The following ALKBH3 variants were observed in gnomAD, a reference collection of about 807,000 sequenced individuals.
The protein encoded by ALKBH3 is alpha-ketoglutarate-dependent dioxygenase alkB homolog 3.
Under a neutral mutation model 43.9 loss-of-function variants are expected in ALKBH3, and 51 were observed. The ratio of observed to expected loss-of-function variants is 1.16; its 90% CI spans 0.93 to 1.47. ALKBH3 has a LOEUF of 1.47. Among genes scored for constraint, ALKBH3 ranks in the 40% most tolerant of loss-of-function variants. The probability of loss-of-function intolerance (pLI) is 0.00; values close to 1 mark genes in which losing one functional copy is unlikely to be tolerated. For missense variants in ALKBH3, 361 were observed against 351.9 expected (o/e 1.03, Z -0.21); for synonymous variants, 102 against 115.2 (o/e 0.89, Z 0.73).
chr11:43,896,448 C>T (rs1951819786), intron 7 of ALKBH3, among the ~76,000 whole-genome samples: 1 of 152,114 alleles, frequency 6.6e-6, no homozygotes, highest in Non-Finnish European at 1.5e-5. Context: ...GCAGGAAGCA[C>T]CCAGCACGGG....
intron 1 of ALKBH3, chr11:43,881,421 G>A (rs1397199273): frequency 6.6e-6 from 1 of 152,228 alleles, no homozygotes; most frequent in East Asian, 1.9e-4. Flanking sequence ...AATAACATAT[G>A]GCTCCCCAGT....
intron 8 of ALKBH3, among the ~76,000 whole-genome samples, chr11:43,913,989 G>A (rs1316750690): frequency 3.3e-5 from 5 of 152,222 alleles, no homozygotes; most frequent in Non-Finnish European, 2.9e-5. Context: ...TGGCTCATTG[G>A]CAGAGCAGCC....
At chr11:43,913,948 G>T (rs1039017952) in intron 8 of ALKBH3, among the ~76,000 whole-genome samples, 8 of 152,134 alleles carry the variant, frequency 5.3e-5, no homozygotes, top group African/African-American at 1.7e-4. Context: ...CCCAGAAGAG[G>T]GGGCAGCACT....
chr11:43,918,882 T>C (rs1480632874), intron 8 of ALKBH3, 156 bp from the exon 9 acceptor site: 4 of 609,516 alleles, frequency 6.6e-6, no homozygotes, highest in Non-Finnish European at 1.2e-5. Context: ...TGAGGTAACT[T>C]GCCAACAGTC....
At chr11:43,903,926 A>G (rs912977929) in intron 8 of ALKBH3, among the ~76,000 whole-genome samples, 1 of 152,344 alleles carries the variant, frequency 6.6e-6, no homozygotes, top group East Asian at 1.9e-4. Flanking sequence ...TCATTTTCTC[A>G]TATAAAGATA....
intron 7 of ALKBH3, chr11:43,897,828 G>T (rs1287772676): frequency 4.9e-6 from 4 of 824,034 alleles, no homozygotes; most frequent in Non-Finnish European, 2.2e-6. Context: ...TGCAAGTTTA[G>T]ATATTAAATC....
rs1554976906 is a variant in ALKBH3 at position 43,900,215 on chromosome 11, A to AAT, written c.460-1301_460-1300insAT. On this transcript the variant is annotated intron_variant, in intron 7 of 9. Transcript: ENST00000302708. Reference sequence around the variant, plus strand: ...ATTGCATTTTTTTTATTTTAATTTAATTTTTTTTTTTTTTTTTTTTTTTTT... The same window carrying AAT: ...ATTGCATTTTTTTTATTTTAATTTAAATTTTTTTTTTTTTTTTTTTTTTTTTT... Among the ~76,000 whole-genome samples, 94 of 87,168 alleles carry AAT rather than the reference A, an allele frequency of 1.1e-3. 4 individuals are homozygous for AAT. Among genetic ancestry groups the AAT allele is most frequent in the Admixed American group, 2.0e-3 (14 of 7,124 alleles). 57.2% of individuals were successfully genotyped at this position (87,168 alleles called of 152,430 possible).
At chr11:43,892,178 G>C (rs780348729) in intron 7 of ALKBH3, 49 bp downstream of exon 7, 2 of 1,459,072 alleles carry the variant, frequency 1.4e-6, no homozygotes, top group Non-Finnish European at 1.9e-6. Flanking sequence ...TATATACTAT[G>C]TGTTGAGTGC....
intron 7 of ALKBH3, chr11:43,899,512 A>G (rs1034276231): frequency 2.9e-6 from 2 of 695,092 alleles, no homozygotes; most frequent in African/African-American, 1.8e-5. Context: ...AGTTGAGTGC[A>G]CCACCACCTT....
intron 8 of ALKBH3, 77 bp downstream of exon 8, chr11:43,901,802 A>G (rs1265789497): frequency 2.6e-6 from 4 of 1,511,024 alleles, no homozygotes; most frequent in Non-Finnish European, 3.6e-6. Context: ...AAAAGCTTCT[A>G]CTTTCAGATT....
intron 7 of ALKBH3, chr11:43,897,498 C>A: frequency 1.3e-6 from 1 of 754,024 alleles, no homozygotes; most frequent in Non-Finnish European, 2.4e-6. Flanking sequence ...ATACAAATAC[C>A]CCTTCAAATT....
intron 8 of ALKBH3, among the ~76,000 whole-genome samples, chr11:43,915,939 T>C (rs1472501553): frequency 6.6e-6 from 1 of 152,238 alleles, no homozygotes; most frequent in Non-Finnish European, 1.5e-5. Flanking sequence ...AAACTTTCCC[T>C]CATGGAGTTT....
chr11:43,904,531 G>A (rs1053326382), intron 8 of ALKBH3, among the ~76,000 whole-genome samples: 6 of 152,118 alleles, frequency 3.9e-5, no homozygotes, highest in African/African-American at 1.2e-4. Flanking sequence ...CCATTTTTGT[G>A]TAAACAGGAT....
chr11:43,885,933 T>C (rs557840604), intron 4 of ALKBH3, among the ~76,000 whole-genome samples: 22 of 152,180 alleles, frequency 1.4e-4, no homozygotes, highest in African/African-American at 5.1e-4. Flanking sequence ...TTTTGAAAGG[T>C]GAATGAGAGT....
At chr11:43,883,751 G>A (rs2135175082) in intron 3 of ALKBH3, among the ~76,000 whole-genome samples, 1 of 152,272 alleles carries the variant, frequency 6.6e-6, no homozygotes, top group Non-Finnish European at 1.5e-5. Context: ...GCTGCTGGCT[G>A]CTAGGAAAAT....
At chr11:43,895,625 T>A (rs531087699) in intron 7 of ALKBH3, among the ~76,000 whole-genome samples, 1 of 152,332 alleles carries the variant, frequency 6.6e-6, no homozygotes, top group East Asian at 1.9e-4. Context: ...TGTAGATCCC[T>A]GGAGAGGGTT....
chr11:43,883,224 A>AT lies in ALKBH3; in HGVS notation c.183+39dup, dbSNP rs35940971. The AT allele has an allele frequency of 8.6e-4, 1,326 of 1,538,430 alleles. 8 individuals carry two copies. In the African/African-American group the frequency reaches 0.016, roughly 18 times the overall value. Reference sequence around the variant, plus strand: ...GGTTTTTTCTTCAATAGTGATAAAAATTTGCTTAGAAAAGTGATATTCACA... The same window carrying AT: ...GGTTTTTTCTTCAATAGTGATAAAAATTTTGCTTAGAAAAGTGATATTCACA... On this transcript the variant is annotated intron_variant, in intron 3 of 9. Coordinates refer to ENST00000302708, the MANE Select transcript of ALKBH3 (RefSeq NM_139178.4).
chr11:43,898,046 T>C (rs1951831859), intron 7 of ALKBH3: 1 of 929,292 alleles, frequency 1.1e-6, no homozygotes, highest in African/African-American at 1.6e-5. Context: ...TCCATGGCTG[T>C]TGTCATCCCA....
At chr11:43,914,591 A>T (rs142641155) in intron 8 of ALKBH3, among the ~76,000 whole-genome samples, 1 of 152,322 alleles carries the variant, frequency 6.6e-6, no homozygotes, top group East Asian at 1.9e-4. Flanking sequence ...AAGGAAATAC[A>T]GTTGTATATT....
Sources: gnomAD v4.1 joint callset for allele counts (sites outside exome capture counted in the v4.1 genomes callset) on GRCh38, gnomAD v4.1.1 for gene constraint, MANE v1.5 for transcripts, NCBI Gene and HGNC (gene_info 2026-07-23, HGNC 2026-07-21) for gene names.